ABCA1: variants seen among roughly 807,000 people sequenced by gnomAD.
ABCA1 encodes the protein phospholipid-transporting ATPase ABCA1.
A neutral mutation model predicts 262.5 loss-of-function variants in ABCA1; 133 were observed. The observed-to-expected ratio is 0.51, with a 90% confidence interval of 0.44 to 0.59. The LOEUF is 0.59. Ranked by LOEUF, ABCA1 falls within the 20% of genes least tolerant of loss-of-function variation. ABCA1 has a pLI of 0.00. For synonymous variants in ABCA1, 1,022 were observed against 1,043.5 expected (o/e 0.98, Z 0.40); for missense variants, 2,452 against 2,777.5 (o/e 0.88, Z 2.63).
intron 14 of ABCA1, among the ~76,000 whole-genome samples, chr9:104,829,353 A>G (rs895477476): frequency 6.6e-6 from 1 of 152,176 alleles, no homozygotes; most frequent in Non-Finnish European, 1.5e-5. Flanking sequence ...TGCCAAACCA[A>G]ATTTCTTTGG....
In ABCA1 at chr9:104,791,928, G is replaced by A; in HGVS notation, c.5820+8C>T. On this transcript the variant is annotated splice_region_variant and intron_variant, in intron 43 of 49. Coordinates refer to ENST00000374736, the MANE Select transcript of ABCA1 (RefSeq NM_005502.4). ...GGGACAAACGCAATATAGACAAAGT[G>A]TCTTTACCTCACCAGGAGGAATGCC... 1 of 1,613,026 alleles carries A rather than the reference G, an allele frequency of 6.2e-7. No homozygotes were observed. The highest frequency in any genetic ancestry group is 1.1e-5 in the South Asian group (1 of 90,984).
chr9:104,801,578 G>C (rs916286394), intron 34 of ABCA1, among the ~76,000 whole-genome samples: 1 of 151,856 alleles, frequency 6.6e-6, no homozygotes, highest in African/African-American at 2.4e-5. Flanking sequence ...TTTTGCTCTT[G>C]TTGCCCAGGC....
At chr9:104,924,387 A>C (rs761746988) in intron 1 of ABCA1, among the ~76,000 whole-genome samples, 6 of 152,166 alleles carry the variant, frequency 3.9e-5, no homozygotes, top group Non-Finnish European at 7.3e-5. Context: ...AGGCTGGCAG[A>C]TCACTTGAGG....
chr9:104,818,634 AC>A, intron 23 of ABCA1, 28 bp downstream of exon 23: 1 of 1,606,522 alleles, frequency 6.2e-7, no homozygotes. Flanking sequence ...CAGACCCAAC[AC>A]CAGCCCAGCA....
chr9:104,877,669 C>T (rs894612699), intron 5 of ABCA1, among the ~76,000 whole-genome samples: 1 of 152,244 alleles, frequency 6.6e-6, no homozygotes, highest in Non-Finnish European at 1.5e-5. Context: ...GCTTCACTAT[C>T]AGTCATCCAC....
chr9:104,847,047 C>T (rs1834954784), intron 7 of ABCA1, among the ~76,000 whole-genome samples: 2 of 151,942 alleles, frequency 1.3e-5, no homozygotes, highest in Admixed American at 6.6e-5. Flanking sequence ...TTGTGTTTAC[C>T]GTTAGGCCTA....
rs565195120 is a variant in ABCA1, at chr9:104,917,486, G to A, written c.-93+10449C>T. On this transcript the variant is annotated intron_variant, in intron 1 of 49. Transcript: ENST00000374736. ...TAAGGAGTAAGCGGCCGGGTGCGGC[G>A]GCTCACACCTGTGATTCTAGCACTT... Among the ~76,000 whole-genome samples, 6 of 152,208 alleles carry A rather than the reference G, an allele frequency of 3.9e-5. No individual in the cohort carries two copies. The East Asian group carries it at 5.8e-4, about 15-fold the overall frequency.
In ABCA1 at chr9:104,816,285, T is replaced by C. The variant is rs1393450793; in HGVS notation, c.3596A>G (p.Asp1199Gly). Residue 1199 changes from aspartate to glycine, a missense_variant, in exon 25 of 50, where the codon GAC becomes GGC. Physicochemically the swap from Asp to Gly is moderately conservative, Grantham distance 94 (BLOSUM62 -1). Transcript: ENST00000374736. ...CACATAGGTCAGCTCATGCCCTATG[T>C]CTTCCACCAGCCGGGCTTCAGACAC... ...KHVSEARLVEDIGHELTYVLP... is the reference protein window; with the variant it reads ...KHVSEARLVEGIGHELTYVLP... The C allele has an allele frequency of 6.2e-7, 1 of 1,614,104 alleles. No homozygotes were observed. Among genetic ancestry groups the C allele is most frequent in the Non-Finnish European group, 8.5e-7 (1 of 1,180,016 alleles).
At chr9:104,834,164 A>G (rs1439561317) in intron 11 of ABCA1, among the ~76,000 whole-genome samples, 1 of 149,858 alleles carries the variant, frequency 6.7e-6, no homozygotes, top group Non-Finnish European at 1.5e-5. Context: ...ATGTAATTTC[A>G]TTAATTATTC....
At chr9:104,904,065 T>C (rs1840888631) in intron 1 of ABCA1, among the ~76,000 whole-genome samples, 1 of 152,156 alleles carries the variant, frequency 6.6e-6, no homozygotes, top group Non-Finnish European at 1.5e-5. Context: ...AAAATAGACC[T>C]CTCTCAGGTG....
At position 104,798,459 on chromosome 9, in the gene ABCA1, G is replaced by A. The variant is rs757764323; in HGVS notation, c.5083C>T (p.Pro1695Ser). 1 of 1,614,168 alleles carries A rather than the reference G, an allele frequency of 6.2e-7. No individual in the cohort carries two copies. Among genetic ancestry groups the A allele is most frequent in the South Asian group, 1.1e-5 (1 of 91,078 alleles). ...AAATTAGAGAGCCAGTAGATGACAG[G>A]CTTCACTCCACTGATGAACTGCAGG... ...KHLQFISGVK[P>S]VIYWLSNFVW... Residue 1695 changes from proline (P) to serine (S), a missense_variant, in exon 37 of 50, where the codon CCT (proline) becomes TCT (serine). Transcript: ENST00000374736.
chr9:104,862,659 C>CAGGGCAGGGCA (rs1836625778), intron 5 of ABCA1, among the ~76,000 whole-genome samples: 1 of 9,846 alleles, frequency 1.0e-4, no homozygotes, highest in African/African-American at 3.1e-4. Flanking sequence ...CGGGCCGGGC[C>CAGGGCAGGGCA]GGGCCGGGCC....
chr9:104,871,209 G>A (rs1471524671), intron 5 of ABCA1, among the ~76,000 whole-genome samples: 1 of 152,150 alleles, frequency 6.6e-6, no homozygotes, highest in Admixed American at 6.5e-5. Context: ...CATCTTAGAA[G>A]CAGAGAGCAG....
intron 7 of ABCA1, among the ~76,000 whole-genome samples, chr9:104,852,314 C>T (rs781247740): frequency 1.5e-4 from 23 of 152,200 alleles, no homozygotes; most frequent in Admixed American, 3.9e-4. Flanking sequence ...CTCTGGGAAA[C>T]ATTTTAATAT....
chr9:104,806,282 G>A lies in ABCA1; in HGVS notation c.4423C>T (p.Pro1475Ser), dbSNP rs373661735. 8.1e-6 allele frequency: 13 copies of A among 1,613,840 alleles called. No homozygotes were observed. Among genetic ancestry groups the A allele is most frequent in the South Asian group, 2.2e-5 (2 of 91,064 alleles). Residue 1475 changes from proline (P) to serine (S), a missense_variant, in exon 31 of 50, where the codon CCT (proline) becomes TCT (serine). Transcript: ENST00000374736. The part of the protein sequence containing the change: ...CSSDKIKKML[P>S]VCPPGAGGLP... ...CCCCCTGCCCCTGGGGGACACACAG[G>A]CAGCATCTTCTTGATTTTGTCGCTG... is the stretch of plus-strand genomic sequence containing the variant.
intron 3 of ABCA1, among the ~76,000 whole-genome samples, chr9:104,886,406 G>T: frequency 6.6e-6 from 1 of 152,104 alleles, no homozygotes; most frequent in East Asian, 1.9e-4. Flanking sequence ...TGATCACTGT[G>T]GCCACCCTCT....
chr9:104,914,025 T>G (rs1841678091), intron 1 of ABCA1, among the ~76,000 whole-genome samples: 1 of 151,620 alleles, frequency 6.6e-6, no homozygotes, highest in Non-Finnish European at 1.5e-5. Context: ...GGTCTCGATC[T>G]CCTGACCTCG....
chr9:104,792,830 C>G lies in ABCA1; in HGVS notation c.5713G>C (p.Gly1905Arg). 6.2e-7 allele frequency: 1 copy of G among 1,614,154 alleles called. No individual in the cohort carries two copies. Residue 1905 changes from glycine to arginine, a missense_variant, in exon 42 of 50, where the codon GGT becomes CGT. Around this residue, in one of 4 missense-constraint regions of ABCA1, gnomAD observed 752 missense variants for 944.5 expected, o/e 0.80. Transcript: ENST00000374736. ...TCTAAGATGTCATTCTGGCCTCCAC[C>G]ATCAAGAATTCTCTGTCTTTCCCGC... ...VRRERQRILDGGGQNDILEIK... is the reference protein window; with the variant it reads ...VRRERQRILDRGGQNDILEIK...
chr9:104,858,773 T>C, intron 6 of ABCA1, 75 bp from the exon 7 acceptor site: 9 of 1,450,796 alleles, frequency 6.2e-6, no homozygotes, highest in African/African-American at 1.4e-5. Context: ...TTGAAGTCTT[T>C]TGGAGAACTT....
Sources: allele counts gnomAD v4.1 joint callset (sites outside exome capture counted in the v4.1 genomes callset), GRCh38; gene constraint gnomAD v4.1.1; regional missense constraint gnomAD v4.1.1; transcripts MANE v1.5; gene names NCBI Gene and HGNC (gene_info 2026-07-23, HGNC 2026-07-21).